Variants in GDPD5 observed in about 807,000 individuals in gnomAD.
GDPD5 encodes glycerophosphodiester phosphodiesterase 2.
A neutral mutation model predicts 75.1 loss-of-function variants in GDPD5; 48 were observed. The observed-to-expected ratio is 0.64, with a 90% confidence interval of 0.51 to 0.81. GDPD5 has a LOEUF of 0.81. Among genes scored for constraint, GDPD5 ranks in the 40% least tolerant of loss-of-function variants. The pLI is 0.00. For missense variants in GDPD5, 706 were observed against 822.6 expected, an observed-to-expected ratio of 0.86 and a Z score of 1.73; for synonymous variants, 336 against 339.0, an observed-to-expected ratio of 0.99 and a Z score of 0.10.
At chr11:75,475,382 C>T (rs1378395008) in intron 3 of GDPD5, among the ~76,000 whole-genome samples, 1 of 152,202 alleles carries the variant, frequency 6.6e-6, no homozygotes, top group Non-Finnish European at 1.5e-5. Context: ...CTCTCCTCTC[C>T]CTACCAGCCC....
At chr11:75,516,555 C>T in intron 1 of GDPD5, among the ~76,000 whole-genome samples, 1 of 152,352 alleles carries the variant, frequency 6.6e-6, no homozygotes, top group African/African-American at 2.4e-5. Context: ...CCTCTGTCCT[C>T]TGTCTCAGCC....
At chr11:75,490,926 C>T (rs1052899659) in intron 1 of GDPD5, among the ~76,000 whole-genome samples, 16 of 152,154 alleles carry the variant, frequency 1.1e-4, no homozygotes, top group African/African-American at 3.4e-4. Flanking sequence ...GCAGAGGGGC[C>T]AGGAGAGGTG....
chr11:75,446,600 T>C (rs1948992744), intron 9 of GDPD5, among the ~76,000 whole-genome samples: 2 of 152,176 alleles, frequency 1.3e-5, no homozygotes, highest in African/African-American at 2.4e-5. Flanking sequence ...CGTACACACA[T>C]GCACAGAGGG....
At chr11:75,441,038 TG>T in intron 14 of GDPD5, 124 bp downstream of exon 14, 2 of 925,670 alleles carry the variant, frequency 2.2e-6, no homozygotes, top group Non-Finnish European at 3.3e-6. Flanking sequence ...ACGCCCACCA[TG>T]GACTCCCCAC....
rs890995860 is a variant in GDPD5, at chr11:75,457,706, A to G, written c.302T>C (p.Ile101Thr). Residue 101 changes from isoleucine (I) to threonine (T), a missense_variant, in exon 5 of 17, where the codon ATC (isoleucine) becomes ACC (threonine). By Grantham distance (89) the Ile-to-Thr change is moderately conservative (BLOSUM62 -1). Transcript: ENST00000336898. ...LVTTAAAFAY[I>T]AGLLVLALCH... ...AGCCCCATGTACCAGGAGGCCAGCG[A>G]TGTATGCGAAGGCAGCAGCTGTGGT... is the stretch of plus-strand genomic sequence containing the variant. 3 of 1,614,090 alleles carry G rather than the reference A, an allele frequency of 1.9e-6. No homozygotes were observed. The highest frequency in any genetic ancestry group is 2.5e-6 in the Non-Finnish European group (3 of 1,179,964).
At position 75,441,123 on chromosome 11, in the gene GDPD5, C is replaced by G. The variant is rs780925671; in HGVS notation, c.1473+40G>C. On this transcript the variant is annotated intron_variant, in intron 14 of 16. Transcript: ENST00000336898. The stretch of plus-strand genomic sequence containing the variant: ...TGGTCAGGGCAGGCTATAGGCAGCT[C>G]CAGCACTGCCCCCCAGGGGCCCTCT... 10 of 1,603,836 alleles carry G rather than the reference C, an allele frequency of 6.2e-6. No individual in the cohort carries two copies. In the African/African-American group the frequency reaches 9.4e-5, roughly 15 times the overall value.
chr11:75,454,329 G>T (rs1949238901), intron 6 of GDPD5, among the ~76,000 whole-genome samples: 1 of 152,224 alleles, frequency 6.6e-6, no homozygotes, highest in Non-Finnish European at 1.5e-5. Context: ...TCACCCATCA[G>T]GCTGACAAAA....
In GDPD5 at chr11:75,449,914, C is replaced by T. The variant is rs553455165; in HGVS notation, c.445G>A (p.Glu149Lys). ...AGGGAGATCAGCAGCACCTCCCACT[C>T]GTCCTCCCACAGCTGGGCCACGGCC... ...MSAVAQLWED[E>K]WEVLLISLQG... Residue 149 changes from glutamate (E) to lysine (K), a missense_variant, in exon 7 of 17, where the codon GAG (glutamate) becomes AAG (lysine). Coordinates refer to ENST00000336898, the MANE Select transcript of GDPD5 (RefSeq NM_030792.8). 1.9e-5 allele frequency: 31 copies of T among 1,613,694 alleles called. No individual in the cohort carries two copies. In the Admixed American group the frequency reaches 3.8e-4, roughly 20 times the overall value.
intron 2 of GDPD5, among the ~76,000 whole-genome samples, chr11:75,489,815 C>A (rs116177912): frequency 0.036 from 5,440 of 151,642 alleles, 252 homozygotes; most frequent in African/African-American, 0.098. Flanking sequence ...TCATAGCTCA[C>A]TGCAGCTCGA....
At chr11:75,501,275 C>T (rs898520189) in intron 1 of GDPD5, among the ~76,000 whole-genome samples, 6 of 152,340 alleles carry the variant, frequency 3.9e-5, no homozygotes, top group African/African-American at 1.2e-4. Flanking sequence ...AACCTGACTG[C>T]CATTTATGAC....
rs1949395796 is a variant in GDPD5 at position 75,460,881 on chromosome 11, G to A, written c.221+1905C>T. 2.0e-5 allele frequency among the ~76,000 whole-genome samples: 3 copies of A among 151,916 alleles called. No individual in the cohort carries two copies. The East Asian group carries it at 5.9e-4, about 30-fold the overall frequency. On this transcript the variant is annotated intron_variant, in intron 4 of 16. Transcript: ENST00000336898. ...CTAAGTGCCAGGCAGGCCTCCCCTT[G>A]CCACCACCCCAACAGGGCGGGAACC...
chr11:75,496,556 A>T (rs1471329586), intron 1 of GDPD5, among the ~76,000 whole-genome samples: 1 of 152,130 alleles, frequency 6.6e-6, no homozygotes, highest in East Asian at 1.9e-4. Context: ...GACTGTGTAA[A>T]CTGTACAGTG....
intron 1 of GDPD5, among the ~76,000 whole-genome samples, chr11:75,520,074 C>T (rs1443308286): frequency 2.0e-5 from 3 of 152,208 alleles, no homozygotes; most frequent in African/African-American, 4.8e-5. Context: ...GCCAACAGCA[C>T]CTGCTTACAC....
intron 3 of GDPD5, among the ~76,000 whole-genome samples, chr11:75,465,556 A>G (rs1949496935): frequency 6.6e-6 from 1 of 152,184 alleles, no homozygotes; most frequent in African/African-American, 2.4e-5. Context: ...GAACTTGAAA[A>G]GATTTGATAA....
At chr11:75,512,018 CATT>C (rs1314369214) in intron 1 of GDPD5, among the ~76,000 whole-genome samples, 1 of 152,120 alleles carries the variant, frequency 6.6e-6, no homozygotes, top group Non-Finnish European at 1.5e-5. Context: ...CTGTGTGCAT[CATT>C]ATTTTACTGC....
intron 2 of GDPD5, 166 bp from the exon 3 acceptor site, chr11:75,477,961 G>T: frequency 2.6e-6 from 1 of 380,736 alleles, no homozygotes; most frequent in Admixed American, 4.3e-5. Context: ...GGTCCCCAAG[G>T]ACCTGTCCTC....
chr11:75,523,929 A>G (rs1225997655), intron 1 of GDPD5, among the ~76,000 whole-genome samples: 1 of 152,210 alleles, frequency 6.6e-6, no homozygotes, highest in Middle Eastern at 3.2e-3. Context: ...GGAGTTGGGC[A>G]TCTCTAGGGT....
chr11:75,459,807 CAAA>C (rs767929482), intron 4 of GDPD5, among the ~76,000 whole-genome samples: 9 of 75,654 alleles, frequency 1.2e-4, no homozygotes, highest in Admixed American at 1.4e-4. Flanking sequence ...GAGACTGTCT[CAAA>C]AAAAAAAAAA....
intron 13 of GDPD5, 131 bp downstream of exon 13, chr11:75,441,515 C>T (rs1948801593): frequency 1.8e-6 from 2 of 1,134,108 alleles, no homozygotes; most frequent in Non-Finnish European, 2.5e-6. Context: ...GTGCCTGATT[C>T]CTCTGTGTGC....
Sources: gnomAD v4.1 joint callset for allele counts (sites outside exome capture counted in the v4.1 genomes callset) on GRCh38, gnomAD v4.1.1 for gene constraint, MANE v1.5 for transcripts, NCBI Gene and HGNC (gene_info 2026-07-23, HGNC 2026-07-21) for gene names.